PEX3: variants seen among roughly 807,000 people sequenced by gnomAD.
The protein encoded by PEX3 is peroxin-3.
In PEX3, 30 loss-of-function variants were observed where a neutral mutation model predicts 55.8. That is an observed-to-expected ratio of 0.54 (90% CI 0.40 to 0.73). PEX3 has a LOEUF of 0.73. PEX3 is among the 30% of genes least tolerant of loss of function. The pLI is 0.00. For missense variants in PEX3, 351 were observed against 432.8 expected (o/e 0.81, Z 1.68); for synonymous variants, 135 against 148.4 (o/e 0.91, Z 0.66).
In PEX3 at chr6:143,490,120, C is replaced by T. The variant is rs142265611; in HGVS notation, c.*894C>T. The T allele has an allele frequency of 3.9e-5, 6 of 152,116 alleles. No individual in the cohort carries two copies. The highest frequency in any genetic ancestry group is 1.9e-4 in the East Asian group (1 of 5,180). The allele number at this position is 152,116 out of a possible 1,614,324, so 9.4% of individuals were successfully genotyped here. A position where few individuals can be genotyped will look rare whatever the true frequency, so the allele number is the denominator to read the frequency against. On this transcript the variant is annotated 3_prime_UTR_variant, in exon 12 of 12. Coordinates refer to ENST00000367591, the MANE Select transcript of PEX3 (RefSeq NM_003630.3). The surrounding 1 kb of genome is among the most constrained non-coding windows in gnomAD (Gnocchi z 6.0). ...TAGTTTAAGTTTCATTTTAATTGGTCGTGTACTTGGTGCTTTTTTGTTGTT... is the reference window on the plus strand; with the variant it reads ...TAGTTTAAGTTTCATTTTAATTGGTTGTGTACTTGGTGCTTTTTTGTTGTT...
chr6:143,458,837 T>C lies in PEX3; in HGVS notation c.74-248T>C, dbSNP rs1251610803. 6.6e-6 allele frequency among the ~76,000 whole-genome samples: 1 copy of C among 152,208 alleles called. No individual in the cohort carries two copies. Among genetic ancestry groups the C allele is most frequent in the Non-Finnish European group, 1.5e-5 (1 of 68,026 alleles). ...TACTAGTAAAGGCACTGCCAGACTT[T>C]TTAGATTTAATTCCTTTCCCTTCCT... On this transcript the variant is annotated intron_variant, in intron 1 of 11. Coordinates refer to ENST00000367591, the MANE Select transcript of PEX3 (RefSeq NM_003630.3). The surrounding 1 kb of genome is among the most constrained non-coding windows in gnomAD (Gnocchi z 6.1).
chr6:143,458,053 C>T lies in PEX3; in HGVS notation c.74-1032C>T, dbSNP rs1466789707. Among the ~76,000 whole-genome samples the T allele has an allele frequency of 6.6e-6, 1 of 152,136 alleles. No homozygotes were observed. Among genetic ancestry groups the T allele is most frequent in the African/African-American group, 2.4e-5 (1 of 41,418 alleles). On this transcript the variant is annotated intron_variant, in intron 1 of 11. Coordinates refer to ENST00000367591, the MANE Select transcript of PEX3 (RefSeq NM_003630.3). This position sits in a 1 kb window ranked among gnomAD's most constrained non-coding sequence, Gnocchi z 6.1. ...ACCATTAATCTATGAAAATCCATTC[C>T]TGATAATCATTATGCTAATCAAAAA...
chr6:143,471,153 C>T lies in PEX3; in HGVS notation c.456+68C>T. 7.6e-7 allele frequency: 1 copy of T among 1,321,692 alleles called. No individual in the cohort carries two copies. Among genetic ancestry groups the T allele is most frequent in the South Asian group, 1.2e-5 (1 of 82,826 alleles). The allele number at this position is 1,321,692 out of a possible 1,614,324, so 81.9% of individuals were successfully genotyped here. On this transcript the variant is annotated intron_variant, in intron 5 of 11. Transcript: ENST00000367591. This position sits in a 1 kb window ranked among gnomAD's most constrained non-coding sequence, Gnocchi z 5.4. ...GAGGTTCAAAGTTTAACTTATTTAT[C>T]CTGATAACAATTTCTATGAAATAAA...
At chr6:143,480,383 T>G (rs1020405165) in intron 10 of PEX3, among the ~76,000 whole-genome samples, 7 of 152,186 alleles carry the variant, frequency 4.6e-5, no homozygotes, top group African/African-American at 1.7e-4. Context: ...ACTGAAGAAT[T>G]GTAAAAATTA....
At chr6:143,480,826 CAT>C (rs1395149935) in intron 10 of PEX3, among the ~76,000 whole-genome samples, 3 of 152,120 alleles carry the variant, frequency 2.0e-5, no homozygotes, top group African/African-American at 7.2e-5. Context: ...GCCTGGGAAA[CAT>C]AGGGAGAGAC....
At chr6:143,470,186 G>A (rs577536038) in intron 4 of PEX3, among the ~76,000 whole-genome samples, 1 of 152,160 alleles carries the variant, frequency 6.6e-6, no homozygotes, top group East Asian at 1.9e-4. Flanking sequence ...TTGACCTTGT[G>A]ATCCGCCCGC....
intron 4 of PEX3, among the ~76,000 whole-genome samples, chr6:143,468,743 T>C (rs1780024730): frequency 6.6e-6 from 1 of 151,480 alleles, no homozygotes; most frequent in African/African-American, 2.4e-5. Flanking sequence ...ACATGTGCCA[T>C]GTTGGTGTGC....
At chr6:143,456,929 T>G (rs1190154221) in intron 1 of PEX3, among the ~76,000 whole-genome samples, 1 of 152,208 alleles carries the variant, frequency 6.6e-6, no homozygotes, top group Admixed American at 6.5e-5. Flanking sequence ...ATAGACCAAA[T>G]GTACACACTT....
In PEX3 at chr6:143,451,075, C is replaced by T. The variant is rs774590734; in HGVS notation, c.33C>T (p.Arg11=). Residue 11 remains arginine (R), a synonymous_variant, in exon 1 of 12, where the codon CGC becomes CGT. Coordinates refer to ENST00000367591, the MANE Select transcript of PEX3 (RefSeq NM_003630.3). This position sits in a 1 kb window ranked among gnomAD's most constrained non-coding sequence, Gnocchi z 4.1. MLRSVWNFLK[R]HKKKCIFLGT... is the part of the protein sequence containing the mutation. ...GGTCTGTATGGAATTTTCTGAAACG[C>T]CACAAAAAGAAATGCATCTTCCTGG... 1 of 1,613,764 alleles carries T rather than the reference C, an allele frequency of 6.2e-7. No homozygotes were observed. Among genetic ancestry groups the T allele is most frequent in the South Asian group, 1.1e-5 (1 of 91,074 alleles).
intron 9 of PEX3, among the ~76,000 whole-genome samples, chr6:143,477,006 A>G (rs1409028056): frequency 6.6e-6 from 1 of 152,170 alleles, no homozygotes; most frequent in Non-Finnish European, 1.5e-5. Context: ...AAGACAATTG[A>G]AGAAATGTTT....
chr6:143,459,172 G>A lies in PEX3; in HGVS notation c.161G>A (p.Arg54Gln), dbSNP rs139312919. 339 of 1,612,398 alleles carry A rather than the reference G, an allele frequency of 2.1e-4. No homozygotes were observed. Among genetic ancestry groups the A allele is most frequent in the Non-Finnish European group, 2.6e-4 (306 of 1,178,604 alleles). ...EAAEYIAQAR[R>Q]QYHFESNQRT... is the part of the protein sequence containing the mutation. The stretch of plus-strand genomic sequence containing the variant: ...GCAGAATACATTGCCCAAGCACGAC[G>A]ACAATATCATTTTGAAAGTAACCAG... The change falls in exon 2 of 12, where the codon CGA (arginine) becomes CAA (glutamine). Residue 54 changes from arginine (R) to glutamine (Q), a missense_variant. Physicochemically the swap from Arg to Gln is conservative, Grantham distance 43. Transcript: ENST00000367591. The surrounding 1 kb of genome is among the most constrained non-coding windows in gnomAD (Gnocchi z 4.2).
At chr6:143,484,833 A>G in intron 10 of PEX3, 1 of 325,792 alleles carries the variant, frequency 3.1e-6, no homozygotes, top group Non-Finnish European at 5.8e-6. Context: ...TTAAAAAACA[A>G]TCAGACAAAC....
Position 143,458,364 on chromosome 6 carries a change from C to G in PEX3, c.74-721C>G, listed in dbSNP as rs139400821. On this transcript the variant is annotated intron_variant, in intron 1 of 11. Coordinates refer to ENST00000367591, the MANE Select transcript of PEX3 (RefSeq NM_003630.3). The surrounding 1 kb of genome is among the most constrained non-coding windows in gnomAD (Gnocchi z 6.1). Reference sequence around the variant, plus strand: ...CCCTCTTTTTTTTCCAGTTAAGTTACTAATTTTTAGATGAGAGAGTTGTAT... The same window carrying G: ...CCCTCTTTTTTTTCCAGTTAAGTTAGTAATTTTTAGATGAGAGAGTTGTAT... Among the ~76,000 whole-genome samples, 1,195 of 152,098 alleles carry G rather than the reference C, an allele frequency of 7.9e-3. 7 individuals are homozygous for G. The highest frequency in any genetic ancestry group is 0.027 in the African/African-American group (1,122 of 41,494).
In PEX3 at chr6:143,468,150, G is replaced by A. The variant is rs1299914882; in HGVS notation, c.316G>A (p.Asp106Asn). The change falls in exon 4 of 12, where the codon GAT (aspartate) becomes AAT (asparagine). Residue 106 changes from aspartate (D) to asparagine (N), a missense_variant. Transcript: ENST00000367591. ...TTCAAACAAGCTAGAAATATGGGAG[G>A]ATCTGAAGATAATAAGTAAGCCTGC... ...RPSNKLEIWE[D>N]LKIISFTRST... The A allele has an allele frequency of 1.3e-6, 2 of 1,585,580 alleles. No individual in the cohort carries two copies. The highest frequency in any genetic ancestry group is 1.1e-5 in the South Asian group (1 of 90,014).
rs932355581 is a variant in PEX3 at position 143,489,695 on chromosome 6, T to G, written c.*469T>G. ...TAAACAGAAGTGAATCAGACTTTTC[T>G]CCAGCTACCTTTCAAAATAATAAAT... On this transcript the variant is annotated 3_prime_UTR_variant, in exon 12 of 12. Transcript: ENST00000367591. This position sits in a 1 kb window ranked among gnomAD's most constrained non-coding sequence, Gnocchi z 5.5. 2 of 152,056 alleles carry G rather than the reference T, an allele frequency of 1.3e-5. No individual in the cohort carries two copies. The highest frequency in any genetic ancestry group is 4.8e-5 in the African/African-American group (2 of 41,438). 9.4% of individuals were successfully genotyped at this position (152,056 alleles called of 1,614,324 possible). A position where few individuals can be genotyped will look rare whatever the true frequency, so the allele number is the denominator to read the frequency against.
rs936634389 is a variant in PEX3 at position 143,466,897 on chromosome 6, G to A, written c.288-1225G>A. 1.3e-5 allele frequency among the ~76,000 whole-genome samples: 2 copies of A among 151,738 alleles called. No individual in the cohort carries two copies. Among genetic ancestry groups the A allele is most frequent in the Non-Finnish European group, 2.9e-5 (2 of 67,842 alleles). On this transcript the variant is annotated intron_variant, in intron 3 of 11. Coordinates refer to ENST00000367591, the MANE Select transcript of PEX3 (RefSeq NM_003630.3). This position sits in a 1 kb window ranked among gnomAD's most constrained non-coding sequence, Gnocchi z 5.4. The stretch of plus-strand genomic sequence containing the variant: ...AGGAACAGACTTTTTTGAATATACT[G>A]TATTATATAAATTTGACTTGGGAAC...
intron 9 of PEX3, among the ~76,000 whole-genome samples, chr6:143,478,189 T>C (rs532302248): frequency 6.6e-6 from 1 of 152,278 alleles, no homozygotes; most frequent in South Asian, 2.1e-4. Flanking sequence ...TATGTATGAC[T>C]GTTTCTATGA....
chr6:143,471,771 TTTTC>T lies in PEX3; in HGVS notation c.578+164_578+167del, dbSNP rs1780077907. 1.4e-5 allele frequency among the ~76,000 whole-genome samples: 2 copies of T among 146,856 alleles called. No individual in the cohort carries two copies. The highest frequency in any genetic ancestry group is 3.0e-5 in the Non-Finnish European group (2 of 65,806). On this transcript the variant is annotated intron_variant, in intron 7 of 11. Coordinates refer to ENST00000367591, the MANE Select transcript of PEX3 (RefSeq NM_003630.3). This position sits in a 1 kb window ranked among gnomAD's most constrained non-coding sequence, Gnocchi z 5.4. ...CTAGGATATTGCATTGTGGGATCCATTTTCTTTATCTTTTTTTTTATACAGAGGG... is the reference window on the plus strand; with the variant it reads ...CTAGGATATTGCATTGTGGGATCCATTTTATCTTTTTTTTTATACAGAGGG...
rs1779973970 is a variant in PEX3, at chr6:143,465,061, A to T, written c.287+2064A>T. On this transcript the variant is annotated intron_variant, in intron 3 of 11. Transcript: ENST00000367591. The surrounding 1 kb of genome is among the most constrained non-coding windows in gnomAD (Gnocchi z 4.7). ...TGGCAAAAACAAAAAAATCTTAAACATCCTCCATCATAAGAGAAGTAGAAC... is the reference window on the plus strand; with the variant it reads ...TGGCAAAAACAAAAAAATCTTAAACTTCCTCCATCATAAGAGAAGTAGAAC... Among the ~76,000 whole-genome samples the T allele has an allele frequency of 6.6e-6, 1 of 152,016 alleles. No individual in the cohort carries two copies. Among genetic ancestry groups the T allele is most frequent in the Non-Finnish European group, 1.5e-5 (1 of 67,858 alleles).
Sources: allele counts gnomAD v4.1 joint callset (sites outside exome capture counted in the v4.1 genomes callset), GRCh38; gene constraint gnomAD v4.1.1; non-coding constraint Gnocchi (gnomAD v3.1); transcripts MANE v1.5; gene names NCBI Gene and HGNC (gene_info 2026-07-23, HGNC 2026-07-21).